Variants in ARID4A observed in about 807,000 individuals in gnomAD.
ARID4A encodes the protein AT-rich interactive domain-containing protein 4A.
Under a neutral mutation model 148.6 loss-of-function variants are expected in ARID4A, and 39 were observed. That is an observed-to-expected ratio of 0.26 (90% CI 0.20 to 0.34). The LOEUF (loss-of-function observed/expected upper bound fraction) is 0.34. Among genes scored for constraint, ARID4A ranks in the 10% least tolerant of loss-of-function variants. The pLI is 1.00. For missense variants in ARID4A, 1,265 were observed against 1,449.1 expected, an observed-to-expected ratio of 0.87 and a Z score of 2.06; for synonymous variants, 475 against 481.2, an observed-to-expected ratio of 0.99 and a Z score of 0.17.
At chr14:58,303,963 T>C (rs904320443) in intron 3 of ARID4A, among the ~76,000 whole-genome samples, 1 of 151,858 alleles carries the variant, frequency 6.6e-6, no homozygotes. Context: ...TACAAAAAAT[T>C]AGCCAGACAT....
chr14:58,334,662 C>T (rs1156576857), intron 11 of ARID4A, among the ~76,000 whole-genome samples: 4 of 152,162 alleles, frequency 2.6e-5, no homozygotes, highest in Admixed American at 2.0e-4. Context: ...ACCTGTTTGC[C>T]TGCTCTCTTT....
chr14:58,363,493 A>G (rs1309220210), intron 19 of ARID4A, among the ~76,000 whole-genome samples: 2 of 152,124 alleles, frequency 1.3e-5, no homozygotes, highest in Non-Finnish European at 2.9e-5. Flanking sequence ...TGAGGTCAGG[A>G]GTTTGAGACC....
chr14:58,360,794 T>C lies in ARID4A; in HGVS notation c.1939-107T>C, dbSNP rs913518039. 4.3e-5 allele frequency: 50 copies of C among 1,166,082 alleles called. No individual in the cohort carries two copies. In the Admixed American group the frequency reaches 8.1e-4, roughly 19 times the overall value. 72.2% of individuals were successfully genotyped at this position (1,166,082 alleles called of 1,614,324 possible). A position where few individuals can be genotyped will look rare whatever the true frequency, so the allele number is the denominator to read the frequency against. The stretch of plus-strand genomic sequence containing the variant: ...TGTAAGCACAGACTAGGAAGTGACA[T>C]ATAAAATATCAAACCTTTTTTGAGA... On this transcript the variant is annotated intron_variant, in intron 18 of 23. Transcript: ENST00000355431.
chr14:58,303,071 T>TA (rs2031313626), intron 3 of ARID4A, among the ~76,000 whole-genome samples: 1 of 152,204 alleles, frequency 6.6e-6, no homozygotes, highest in South Asian at 2.1e-4. Flanking sequence ...TTCGTTACTT[T>TA]ATACTTAGAT....
chr14:58,320,400 C>T (rs551674675), intron 7 of ARID4A, among the ~76,000 whole-genome samples: 49 of 152,102 alleles, frequency 3.2e-4, no homozygotes, highest in African/African-American at 8.7e-4. Context: ...GAAAATTTAA[C>T]GCTGATAGAC....
chr14:58,348,059 C>T (rs1348942763), intron 15 of ARID4A, among the ~76,000 whole-genome samples, 181 bp downstream of exon 15: 1 of 151,968 alleles, frequency 6.6e-6, no homozygotes, highest in African/African-American at 2.4e-5. Flanking sequence ...CCTGAAAACC[C>T]TTCCTTCTGT....
chr14:58,309,160 G>GTA (rs1406700732), intron 5 of ARID4A, among the ~76,000 whole-genome samples: 1 of 152,046 alleles, frequency 6.6e-6, no homozygotes, highest in Admixed American at 6.5e-5. Context: ...CTGTTGCCCA[G>GTA]GCTTTTGTTC....
intron 23 of ARID4A, among the ~76,000 whole-genome samples, chr14:58,367,838 C>T (rs926214642): frequency 1.3e-5 from 2 of 152,124 alleles, no homozygotes; most frequent in African/African-American, 4.8e-5. Context: ...TTGGAAGCTG[C>T]ATAACAGATG....
rs2035259845 is a variant in ARID4A, at chr14:58,364,346, C to T, written c.2257C>T (p.Gln753Ter). ...AAAAGAAAATGATAGGACTCAAATG[C>T]AGCCTTTAGAAACCCTGAAGTTAGA... is the stretch of plus-strand genomic sequence containing the variant. Reference protein sequence around the residue: ...ILKENDRTQMQPLETLKLEVG... With the variant: ...ILKENDRTQM Residue 753 changes from glutamine to a stop codon, truncating the protein, a stop_gained, in exon 20 of 24, where the codon CAG (glutamine) becomes TAG (stop). Transcript: ENST00000355431. LOFTEE classifies it high-confidence loss of function. 1 of 1,586,256 alleles carries T rather than the reference C, an allele frequency of 6.3e-7. No individual in the cohort carries two copies. Among genetic ancestry groups the T allele is most frequent in the Non-Finnish European group, 8.5e-7 (1 of 1,172,536 alleles).
chr14:58,318,106 T>C (rs143088216), intron 5 of ARID4A, among the ~76,000 whole-genome samples: 1 of 152,304 alleles, frequency 6.6e-6, no homozygotes, highest in Non-Finnish European at 1.5e-5. Flanking sequence ...ATAGAAGCAG[T>C]AGAATAATTC....
intron 5 of ARID4A, among the ~76,000 whole-genome samples, chr14:58,309,204 T>C (rs1246155617): frequency 6.6e-6 from 1 of 152,174 alleles, no homozygotes; most frequent in African/African-American, 2.4e-5. Context: ...CAGCCCTGAA[T>C]TCCTGGGCTC....
At chr14:58,325,833 T>A (rs2033174851) in intron 8 of ARID4A, among the ~76,000 whole-genome samples, 1 of 152,090 alleles carries the variant, frequency 6.6e-6, no homozygotes, top group Non-Finnish European at 1.5e-5. Context: ...ATTCAGAATA[T>A]TCAGATTGTA....
chr14:58,346,264 C>A (rs949360030), intron 12 of ARID4A, 147 bp from the exon 13 acceptor site: 5 of 366,836 alleles, frequency 1.4e-5, no homozygotes, highest in African/African-American at 1.1e-4. Flanking sequence ...AGAGAATTAT[C>A]TTGTGTTGTT....
intron 10 of ARID4A, 141 bp downstream of exon 10, chr14:58,329,745 A>G: frequency 1.1e-6 from 1 of 947,534 alleles, no homozygotes; most frequent in Non-Finnish European, 1.6e-6. Context: ...TTTTTTTTTA[A>G]TGTCTAGATA....
chr14:58,327,433 A>G (rs986085968), intron 8 of ARID4A, among the ~76,000 whole-genome samples: 9 of 152,172 alleles, frequency 5.9e-5, no homozygotes, highest in African/African-American at 2.2e-4. Context: ...GAAATTAAAA[A>G]GTTCTTTGTT....
chr14:58,345,046 A>G (rs1401256823), intron 12 of ARID4A, among the ~76,000 whole-genome samples: 1 of 151,022 alleles, frequency 6.6e-6, no homozygotes, highest in African/African-American at 2.4e-5. Flanking sequence ...CTAATTTTTT[A>G]TTTTTCTATT....
At chr14:58,341,258 C>T (rs1017453159) in intron 11 of ARID4A, among the ~76,000 whole-genome samples, 1 of 152,210 alleles carries the variant, frequency 6.6e-6, no homozygotes, top group Non-Finnish European at 1.5e-5. Context: ...TGATCTAATT[C>T]TCTTTAGCTG....
At position 58,364,295 on chromosome 14, in the gene ARID4A, A is replaced by C. The variant is rs756432992; in HGVS notation, c.2206A>C (p.Asn736His). The C allele has an allele frequency of 2.5e-5, 39 of 1,562,090 alleles. No individual in the cohort carries two copies. Among genetic ancestry groups the C allele is most frequent in the Non-Finnish European group, 3.3e-5 (38 of 1,164,588 alleles). ...GAATGATGATAAGCTAGATGAAGAA[A>C]ATCCAAAGATTTCTGCACATATATT... ...NLNDDKLDEE[N>H]PKISAHILKE... Residue 736 changes from asparagine (N) to histidine (H), a missense_variant, in exon 20 of 24, where the codon AAT becomes CAT. Asn to His is a moderately conservative substitution (Grantham distance 68, BLOSUM62 1). Coordinates refer to ENST00000355431, the MANE Select transcript of ARID4A (RefSeq NM_002892.4).
Position 58,372,884 on chromosome 14 carries a change from G to A in ARID4A, c.*895G>A, listed in dbSNP as rs1479161374. ...TATATTTATTCAGACATTGGATGTT[G>A]TATTTTTATGTATTTTTTAAAATAT... On this transcript the variant is annotated 3_prime_UTR_variant, in exon 24 of 24. Coordinates refer to ENST00000355431, the MANE Select transcript of ARID4A (RefSeq NM_002892.4). 1.1e-5 allele frequency: 2 copies of A among 178,728 alleles called. No individual in the cohort carries two copies. Among genetic ancestry groups the A allele is most frequent in the African/African-American group, 4.7e-5 (2 of 42,282 alleles). 11.1% of individuals were successfully genotyped at this position (178,728 alleles called of 1,614,324 possible).
Sources: gnomAD v4.1 joint callset for allele counts (sites outside exome capture counted in the v4.1 genomes callset) on GRCh38, gnomAD v4.1.1 for gene constraint, MANE v1.5 for transcripts, NCBI Gene and HGNC (gene_info 2026-07-23, HGNC 2026-07-21) for gene names.